KIAA1328: variants seen among roughly 807,000 people sequenced by gnomAD.
KIAA1328 encodes the protein protein hinderin.
Under a neutral mutation model 68.1 loss-of-function variants are expected in KIAA1328, and 52 were observed. That is an observed-to-expected ratio of 0.76 (90% confidence interval 0.61 to 0.96). The LOEUF is 0.96. Ranked by LOEUF, KIAA1328 falls within the 40% of genes least tolerant of loss-of-function variation. The pLI is 0.00. For synonymous variants in KIAA1328, 232 were observed against 239.4 expected, an observed-to-expected ratio of 0.97 and a Z score of 0.28; for missense variants, 641 against 677.6, an observed-to-expected ratio of 0.95 and a Z score of 0.60.
chr18:36,870,161 C>T (rs563189633), intron 4 of KIAA1328, among the ~76,000 whole-genome samples: 6 of 152,252 alleles, frequency 3.9e-5, no homozygotes, highest in Admixed American at 3.3e-4. Flanking sequence ...TGTGCCCGGC[C>T]TGAAAGTGTT....
intron 1 of KIAA1328, among the ~76,000 whole-genome samples, chr18:36,833,607 C>T (rs887677370): frequency 6.6e-6 from 1 of 152,106 alleles, no homozygotes; most frequent in African/African-American, 2.4e-5. Context: ...GTTAAGGGAA[C>T]ATGCACAGAA....
chr18:37,073,468 G>A (rs913048025), intron 7 of KIAA1328, among the ~76,000 whole-genome samples: 3 of 152,124 alleles, frequency 2.0e-5, no homozygotes, highest in Non-Finnish European at 2.9e-5. Context: ...ACCATCTCAC[G>A]CCAGTCAGAA....
intron 8 of KIAA1328, among the ~76,000 whole-genome samples, chr18:37,161,928 G>T (rs987909976): frequency 1.3e-5 from 2 of 152,236 alleles, no homozygotes; most frequent in Non-Finnish European, 2.9e-5. Context: ...CCTTGCTGTG[G>T]TGGAGGTTAA....
intron 6 of KIAA1328, among the ~76,000 whole-genome samples, chr18:37,033,267 G>A (rs1038342515): frequency 2.6e-5 from 4 of 152,044 alleles, no homozygotes; most frequent in African/African-American, 9.7e-5. Context: ...GTGTTTTTCT[G>A]TTGACTTACT....
chr18:36,925,103 A>G (rs1045044330), intron 5 of KIAA1328: 2 of 152,164 alleles, frequency 1.3e-5, no homozygotes, highest in East Asian at 3.9e-4. Context: ...TATTATAAAG[A>G]TTATGTATGG....
rs1599640819 is a variant in KIAA1328 at position 37,223,047 on chromosome 18, A to G, written c.*820A>G. Reference sequence around the variant, plus strand: ...ATTTACCCAAGTGTTCAGCTTATTCACCCCACCCCCCCACCCCCCATCACA... The same window carrying G: ...ATTTACCCAAGTGTTCAGCTTATTCGCCCCACCCCCCCACCCCCCATCACA... On this transcript the variant is annotated 3_prime_UTR_variant, in exon 10 of 10. Coordinates refer to ENST00000280020, the MANE Select transcript of KIAA1328 (RefSeq NM_020776.3). 7 of 428,024 alleles carry G rather than the reference A, an allele frequency of 1.6e-5. No individual in the cohort carries two copies. The highest frequency in any genetic ancestry group is 2.0e-5 in the Non-Finnish European group (7 of 347,376). The allele number at this position is 428,024 out of a possible 1,614,324, so 26.5% of individuals were successfully genotyped here.
intron 4 of KIAA1328, among the ~76,000 whole-genome samples, chr18:36,863,409 CT>C (rs2047635033): frequency 1.3e-5 from 2 of 152,004 alleles, no homozygotes. Context: ...TGTCAACTGC[CT>C]TGATTACTGT....
chr18:37,011,622 T>G (rs2053982444), intron 6 of KIAA1328, among the ~76,000 whole-genome samples: 1 of 152,168 alleles, frequency 6.6e-6, no homozygotes, highest in East Asian at 1.9e-4. Context: ...AAGGAAATAA[T>G]TTAAATGATC....
At chr18:36,986,797 AC>A (rs1393208531) in intron 6 of KIAA1328, among the ~76,000 whole-genome samples, 6 of 560 alleles carry the variant, frequency 0.011, 1 homozygote, top group Admixed American at 0.032. Flanking sequence ...ATCATCTCAC[AC>A]CAGTTAGAAT....
intron 5 of KIAA1328, among the ~76,000 whole-genome samples, chr18:36,954,758 G>T (rs754268670): frequency 2.0e-5 from 3 of 148,716 alleles, no homozygotes; most frequent in Non-Finnish European, 4.4e-5. Context: ...GCAGTGTTGC[G>T]ATCTCAACTC....
chr18:36,922,567 G>T (rs542580760), intron 5 of KIAA1328, among the ~76,000 whole-genome samples: 20 of 152,226 alleles, frequency 1.3e-4, no homozygotes, highest in African/African-American at 4.6e-4. Flanking sequence ...TGGTTTTATT[G>T]TAGGATGCTT....
intron 6 of KIAA1328, among the ~76,000 whole-genome samples, chr18:37,034,005 C>A (rs2054932216): frequency 1.3e-5 from 2 of 152,118 alleles, no homozygotes; most frequent in African/African-American, 4.8e-5. Flanking sequence ...GTCTAATTTT[C>A]TAATTTTTTC....
In KIAA1328 at chr18:37,102,269, T is replaced by C. The variant is rs1487056165; in HGVS notation, c.1232+34724T>C. ...GTGGGAAAGAACATACTGGGGCCTG[T>C]CAGGCGTGATTCAGGGGAGGGACAG... On this transcript the variant is annotated intron_variant, in intron 7 of 9. Coordinates refer to ENST00000280020, the MANE Select transcript of KIAA1328 (RefSeq NM_020776.3). Among the ~76,000 whole-genome samples the C allele has an allele frequency of 3.3e-5, 5 of 152,134 alleles. No homozygotes were observed. The East Asian group carries it at 9.6e-4, about 29-fold the overall frequency.
chr18:37,050,705 T>C (rs181573712), intron 6 of KIAA1328, among the ~76,000 whole-genome samples: 126 of 152,344 alleles, frequency 8.3e-4, no homozygotes, highest in African/African-American at 2.8e-3. Flanking sequence ...TCAGGTTGAA[T>C]GACCAGATAT....
Position 37,041,562 on chromosome 18 carries a change from C to A in KIAA1328, c.577-25328C>A, listed in dbSNP as rs545188401. 7.9e-5 allele frequency among the ~76,000 whole-genome samples: 12 copies of A among 150,970 alleles called. 1 individual carries two copies. The South Asian group carries it at 2.5e-3, about 32-fold the overall frequency. On this transcript the variant is annotated intron_variant, in intron 6 of 9. Coordinates refer to ENST00000280020, the MANE Select transcript of KIAA1328 (RefSeq NM_020776.3). ...ATTGTGATATGGTTGGATTTATGTCCTCTATTTTGCTGTTTTATTTTCTAT... is the reference window on the plus strand; with the variant it reads ...ATTGTGATATGGTTGGATTTATGTCATCTATTTTGCTGTTTTATTTTCTAT...
intron 4 of KIAA1328, among the ~76,000 whole-genome samples, chr18:36,874,667 C>A (rs1313623412): frequency 6.6e-6 from 1 of 152,144 alleles, no homozygotes; most frequent in African/African-American, 2.4e-5. Context: ...TTTTGTGGTG[C>A]AGAAGCTCTT....
chr18:37,065,557 CT>C (rs1239690800), intron 6 of KIAA1328, among the ~76,000 whole-genome samples: 1 of 152,140 alleles, frequency 6.6e-6, no homozygotes, highest in Non-Finnish European at 1.5e-5. Flanking sequence ...CTTGGAGGCC[CT>C]TTTTTGCTGT....
chr18:36,982,157 T>TATATATATAATATATATA lies in KIAA1328; in HGVS notation c.576+22731_576+22732insATATATATAATATATATA, dbSNP rs1307935380. On this transcript the variant is annotated intron_variant, in intron 6 of 9. Coordinates refer to ENST00000280020, the MANE Select transcript of KIAA1328 (RefSeq NM_020776.3). Reference sequence around the variant, plus strand: ...TAAAAATATAAATAAATATATATAATATATATATATAATATATATAACTGG... The same window carrying TATATATATAATATATATA: ...TAAAAATATAAATAAATATATATAATATATATATAATATATATAATATATATATAATATATATAACTGG... Among the ~76,000 whole-genome samples the TATATATATAATATATATA allele has an allele frequency of 1.8e-4, 3 of 16,380 alleles. 1 individual carries two copies. 10.7% of individuals were successfully genotyped at this position (16,380 alleles called of 152,430 possible).
intron 6 of KIAA1328, among the ~76,000 whole-genome samples, chr18:36,983,206 C>G (rs2052768153): frequency 6.6e-6 from 1 of 151,858 alleles, no homozygotes; most frequent in Non-Finnish European, 1.5e-5. Context: ...AAAAGCAAGA[C>G]ACAAATATAA....
Sources: allele counts gnomAD v4.1 joint callset (sites outside exome capture counted in the v4.1 genomes callset), GRCh38; gene constraint gnomAD v4.1.1; transcripts MANE v1.5; gene names NCBI Gene and HGNC (gene_info 2026-07-23, HGNC 2026-07-21).